The following MGAT5B variants were observed in gnomAD, a reference collection of about 807,000 sequenced individuals.
The protein encoded by MGAT5B is alpha-1,6-mannosylglycoprotein 6-beta-N-acetylglucosaminyltransferase B.
In MGAT5B, 54 loss-of-function variants were observed where a neutral mutation model predicts 95.1. The ratio of observed to expected loss-of-function variants is 0.57; its 90% CI spans 0.46 to 0.71. MGAT5B has a LOEUF of 0.71. Ranked by LOEUF, MGAT5B falls within the 30% of genes least tolerant of loss-of-function variation. MGAT5B has a pLI of 0.00. For synonymous variants in MGAT5B, 464 were observed against 451.0 expected, an observed-to-expected ratio of 1.03 and a Z score of -0.36; for missense variants, 935 against 1,088.6, an observed-to-expected ratio of 0.86 and a Z score of 1.99.
chr17:76,897,731 C>CT (rs59682650), intron 3 of MGAT5B, among the ~76,000 whole-genome samples: 71 of 84,856 alleles, frequency 8.4e-4, no homozygotes, highest in Non-Finnish European at 1.3e-3. Context: ...CTTTCTTTTT[C>CT]TTTTTTTTTT....
chr17:76,948,170 G>C (rs1022859680), intron 17 of MGAT5B, 84 bp downstream of exon 17: 1 of 1,482,412 alleles, frequency 6.7e-7, no homozygotes, highest in Non-Finnish European at 8.9e-7. Context: ...GCCCAGAACC[G>C]GCCCTCAGCC....
intron 16 of MGAT5B, among the ~76,000 whole-genome samples, chr17:76,947,516 C>T (rs1388938191): frequency 6.6e-6 from 1 of 152,148 alleles, no homozygotes; most frequent in African/African-American, 2.4e-5. Context: ...GGAACCCCAG[C>T]CTGACCTGAG....
At chr17:76,937,697 T>C (rs1969723119) in intron 12 of MGAT5B, among the ~76,000 whole-genome samples, 1 of 152,178 alleles carries the variant, frequency 6.6e-6, no homozygotes, top group African/African-American at 2.4e-5. Context: ...AGATGCCAAG[T>C]GGCACCACGT....
intron 10 of MGAT5B, among the ~76,000 whole-genome samples, chr17:76,931,197 A>G (rs1969467403): frequency 6.6e-6 from 1 of 152,284 alleles, no homozygotes; most frequent in East Asian, 1.9e-4. Context: ...CCCAAGTTCA[A>G]GTGATTCTCA....
chr17:76,937,989 G>C lies in MGAT5B; in HGVS notation c.1430G>C (p.Gly477Ala). ...GKEASIWKLQ[G>A]KEKFLGILNK... is the part of the protein sequence containing the mutation. ...CATCTCCTCCTCTTCTTTTTCCAGG[G>C]GAAGGAGAAGTTCCTGGGCATCCTG... Residue 477 changes from glycine to alanine, a missense_variant and splice_region_variant, in exon 13 of 18, where the codon GGG becomes GCG. Around this residue, in one of 4 missense-constraint regions of MGAT5B, gnomAD observed 440 missense variants for 523.6 expected, o/e 0.84. Transcript: ENST00000569840. 1 of 1,612,712 alleles carries C rather than the reference G, an allele frequency of 6.2e-7. No individual in the cohort carries two copies. Among genetic ancestry groups the C allele is most frequent in the African/African-American group, 1.3e-5 (1 of 75,022 alleles).
chr17:76,882,612 C>A, intron 3 of MGAT5B: 1 of 263,476 alleles, frequency 3.8e-6, no homozygotes, highest in Non-Finnish European at 7.2e-6. Context: ...CACATTTGCA[C>A]ATATGTTTAA....
In MGAT5B at chr17:76,946,150, G is replaced by A. The variant is rs949584133; in HGVS notation, c.1849-226G>A. The A allele has an allele frequency of 9.5e-5, 46 of 484,356 alleles. No individual in the cohort carries two copies. The Middle Eastern group carries it at 2.6e-3, about 28-fold the overall frequency. The allele number at this position is 484,356 out of a possible 1,614,324, so 30.0% of individuals were successfully genotyped here. On this transcript the variant is annotated intron_variant, in intron 15 of 17. Coordinates refer to ENST00000569840, the MANE Select transcript of MGAT5B (RefSeq NM_001199172.2). Reference sequence around the variant, plus strand: ...GGAGGGGGTGGGGAGGGATGAGGCTGGGCCTTGTGGGTCCTGAGCCTGAGT... The same window carrying A: ...GGAGGGGGTGGGGAGGGATGAGGCTAGGCCTTGTGGGTCCTGAGCCTGAGT...
chr17:76,902,087 C>T lies in MGAT5B; in HGVS notation c.330-468C>T, dbSNP rs564960232. Among the ~76,000 whole-genome samples, 6 of 152,140 alleles carry T rather than the reference C, an allele frequency of 3.9e-5. No homozygotes were observed. In the South Asian group the frequency reaches 6.2e-4, roughly 16 times the overall value. On this transcript the variant is annotated intron_variant, in intron 3 of 17. Transcript: ENST00000569840. Reference sequence around the variant, plus strand: ...TTATGGGTATGTGTGCAGTTGTGGGCGCACATGCAGTTGTGGGCACGTGTG... The same window carrying T: ...TTATGGGTATGTGTGCAGTTGTGGGTGCACATGCAGTTGTGGGCACGTGTG...
At chr17:76,888,916 C>T (rs1704996234) in intron 3 of MGAT5B, among the ~76,000 whole-genome samples, 1 of 152,198 alleles carries the variant, frequency 6.6e-6, no homozygotes, top group South Asian at 2.1e-4. Flanking sequence ...CATCTGGGTC[C>T]GGCCTGTGGC....
At chr17:76,898,264 C>G (rs1968172101) in intron 3 of MGAT5B, among the ~76,000 whole-genome samples, 2 of 151,376 alleles carry the variant, frequency 1.3e-5, no homozygotes, top group South Asian at 4.2e-4. Flanking sequence ...ACCCTGACTT[C>G]TATCAGCATT....
At chr17:76,897,083 T>G (rs1384160907) in intron 3 of MGAT5B, among the ~76,000 whole-genome samples, 3 of 152,092 alleles carry the variant, frequency 2.0e-5, no homozygotes, top group Non-Finnish European at 4.4e-5. Context: ...GCCCAGCTAA[T>G]TTTTAAAATT....
chr17:76,939,029 G>GTGTGTGTGTGT (rs1555600423), intron 13 of MGAT5B, among the ~76,000 whole-genome samples: 2 of 128,190 alleles, frequency 1.6e-5, no homozygotes, highest in African/African-American at 6.2e-5. Flanking sequence ...GCATCTTGGG[G>GTGTGTGTGTGT]GTGTGTGTGT....
rs1969834368 is a variant in MGAT5B at position 76,940,603 on chromosome 17, G to A, written c.1731+55G>A. The A allele has an allele frequency of 3.2e-6, 5 of 1,585,628 alleles. No individual in the cohort carries two copies. Among genetic ancestry groups the A allele is most frequent in the Non-Finnish European group, 4.3e-6 (5 of 1,162,252 alleles). On this transcript the variant is annotated intron_variant, in intron 14 of 17. Coordinates refer to ENST00000569840, the MANE Select transcript of MGAT5B (RefSeq NM_001199172.2). This position sits in a 1 kb window ranked among gnomAD's most constrained non-coding sequence, Gnocchi z 4.3. The stretch of plus-strand genomic sequence containing the variant: ...AGGAGGGGCCGGGACAGAGACCCCT[G>A]CAGGTCCTGGAAGAGGCAGACTGAG...
chr17:76,901,800 C>A (rs1968323191), intron 3 of MGAT5B, among the ~76,000 whole-genome samples: 1 of 152,236 alleles, frequency 6.6e-6, no homozygotes, highest in Non-Finnish European at 1.5e-5. Flanking sequence ...CTCGGAGAGG[C>A]CCGGCTGTGC....
chr17:76,946,374 A>G lies in MGAT5B; in HGVS notation c.1849-2A>G. On this transcript the variant is annotated splice_acceptor_variant, in intron 15 of 17. Transcript: ENST00000569840. LOFTEE classifies it high-confidence loss of function. ...CCATGTGTCTGCCCATCCCTCCCAC[A>G]GGTAGACCCCTACCTACCCTACGAG... The G allele has an allele frequency of 6.2e-7, 1 of 1,605,580 alleles. No individual in the cohort carries two copies. The highest frequency in any genetic ancestry group is 8.5e-7 in the Non-Finnish European group (1 of 1,175,686).
chr17:76,877,086 G>A (rs1967219113), intron 2 of MGAT5B, among the ~76,000 whole-genome samples: 1 of 152,118 alleles, frequency 6.6e-6, no homozygotes, highest in South Asian at 2.1e-4. Context: ...AACACTTTGG[G>A]AGGCTGAGGC....
intron 17 of MGAT5B, 60 bp from the exon 18 acceptor site, chr17:76,948,580 C>A: frequency 6.6e-7 from 1 of 1,523,380 alleles, no homozygotes; most frequent in Non-Finnish European, 8.9e-7. Flanking sequence ...CCCTACCCCG[C>A]CCCAGCCCTT....
At position 76,932,875 on chromosome 17, in the gene MGAT5B, C is replaced by A. The variant is rs539115113; in HGVS notation, c.1422+100C>A. On this transcript the variant is annotated intron_variant, in intron 11 of 17. Transcript: ENST00000569840. ...CTTCCAGGATGCGGTGCCCTCCTCC[C>A]GCCCCAGCCCTGCATGCTGGAAATG... 2.7e-6 allele frequency: 4 copies of A among 1,485,972 alleles called. No homozygotes were observed. The African/African-American group carries it at 5.7e-5, about 21-fold the overall frequency. The allele number at this position is 1,485,972 out of a possible 1,614,324, so 92.0% of individuals were successfully genotyped here.
In MGAT5B at chr17:76,905,997, C is replaced by T. The variant is rs1295159966; in HGVS notation, c.856-21C>T. 3 of 1,584,702 alleles carry T rather than the reference C, an allele frequency of 1.9e-6. No individual in the cohort carries two copies. ...GAGCTGCTGCTCCTCTCTGCTGACC[C>T]TCTGTGTTCCGCCCACCCAGATCCT... On this transcript the variant is annotated intron_variant, in intron 7 of 17. Coordinates refer to ENST00000569840, the MANE Select transcript of MGAT5B (RefSeq NM_001199172.2). This position sits in a 1 kb window ranked among gnomAD's most constrained non-coding sequence, Gnocchi z 4.2.
Sources: allele counts gnomAD v4.1 joint callset (sites outside exome capture counted in the v4.1 genomes callset), GRCh38; gene constraint gnomAD v4.1.1; regional missense constraint gnomAD v4.1.1; non-coding constraint Gnocchi (gnomAD v3.1); transcripts MANE v1.5; gene names NCBI Gene and HGNC (gene_info 2026-07-23, HGNC 2026-07-21).